PPFIA2: variants seen among roughly 807,000 people sequenced by gnomAD.
PPFIA2 encodes the protein liprin-alpha-2.
PPFIA2 carries 46 observed loss-of-function variants against 175.5 expected under a neutral mutation model. That is an observed-to-expected ratio of 0.26 (90% confidence interval 0.21 to 0.34). The LOEUF (loss-of-function observed/expected upper bound fraction) is 0.34. Ranked by LOEUF, PPFIA2 falls within the 10% of genes least tolerant of loss-of-function variation. The pLI, the probability that PPFIA2 is intolerant of heterozygous loss-of-function variation, is 1.00. For synonymous variants in PPFIA2, 568 were observed against 511.4 expected (o/e 1.11, Z -1.49); for missense variants, 1,179 against 1,506.1 (o/e 0.78, Z 3.60).
rs1414476806 is a variant in PPFIA2 at position 81,759,348 on chromosome 12, C to A, written c.-179G>T. 2.6e-5 allele frequency: 4 copies of A among 152,272 alleles called. No individual in the cohort carries two copies. Among genetic ancestry groups the A allele is most frequent in the Non-Finnish European group, 5.9e-5 (4 of 68,236 alleles). The allele number at this position is 152,272 out of a possible 1,614,324, so 9.4% of individuals were successfully genotyped here. On this transcript the variant is annotated 5_prime_UTR_variant, in exon 1 of 33. Transcript: ENST00000549396. Reference sequence around the variant, plus strand: ...CTTGCCTCGTGCGGTGGCTGCTACTCCTCCTCCTCCGTCTCCTCCCCTCCT... The same window carrying A: ...CTTGCCTCGTGCGGTGGCTGCTACTACTCCTCCTCCGTCTCCTCCCCTCCT...
chr12:81,343,808 T>C (rs969273932), intron 19 of PPFIA2, among the ~76,000 whole-genome samples: 1 of 152,130 alleles, frequency 6.6e-6, no homozygotes, highest in South Asian at 2.1e-4. Context: ...GTTTCGAACA[T>C]ATTTTTTTAT....
In PPFIA2 at chr12:81,278,146, A is replaced by G. The variant is rs184506576; in HGVS notation, c.3213-732T>C. On this transcript the variant is annotated intron_variant, in intron 27 of 32. Coordinates refer to ENST00000549396, the MANE Select transcript of PPFIA2 (RefSeq NM_003625.5). ...GAGGAATACAATTATACATGGAGAAAAGGGCATATTAAGGAAAGCCTTAAA... is the reference window on the plus strand; with the variant it reads ...GAGGAATACAATTATACATGGAGAAGAGGGCATATTAAGGAAAGCCTTAAA... Among the ~76,000 whole-genome samples the G allele has an allele frequency of 2.9e-3, 444 of 152,310 alleles. 3 individuals carry two copies. Among genetic ancestry groups the G allele is most frequent in the African/African-American group, 0.01 (436 of 41,558 alleles).
intron 21 of PPFIA2, among the ~76,000 whole-genome samples, chr12:81,333,624 T>A (rs1041603806): frequency 7.3e-5 from 11 of 149,978 alleles, no homozygotes; most frequent in African/African-American, 2.4e-4. Context: ...ATGAATTTTT[T>A]ATTTTTTTTC....
At chr12:81,591,345 T>C (rs554490414) in intron 4 of PPFIA2, among the ~76,000 whole-genome samples, 2 of 152,234 alleles carry the variant, frequency 1.3e-5, no homozygotes, top group African/African-American at 4.8e-5. Context: ...GTTTTGAAAA[T>C]GTGCAGCCTG....
intron 4 of PPFIA2, among the ~76,000 whole-genome samples, chr12:81,613,673 A>G (rs1373038886): frequency 6.6e-6 from 1 of 152,152 alleles, no homozygotes; most frequent in Non-Finnish European, 1.5e-5. Context: ...TTAAGAGATA[A>G]TAAGTTTCCT....
intron 3 of PPFIA2, among the ~76,000 whole-genome samples, chr12:81,738,350 A>G (rs1183122384): frequency 1.3e-5 from 2 of 151,974 alleles, no homozygotes. Flanking sequence ...GTACAGTAAA[A>G]GAAATATTCA....
At chr12:81,635,752 G>A (rs1457202111) in intron 4 of PPFIA2, among the ~76,000 whole-genome samples, 3 of 152,156 alleles carry the variant, frequency 2.0e-5, no homozygotes, top group Non-Finnish European at 4.4e-5. Context: ...CCAAGTGGAA[G>A]CTAGATTGCC....
intron 25 of PPFIA2, among the ~76,000 whole-genome samples, chr12:81,283,727 CAA>C (rs761136178): frequency 2.0e-5 from 3 of 151,910 alleles, no homozygotes; most frequent in South Asian, 2.1e-4. Flanking sequence ...TTAAAAGTGA[CAA>C]AGAGTCCCCA....
In PPFIA2 at chr12:81,497,404, A is replaced by G. The variant is rs372535389; in HGVS notation, c.304-39538T>C. ...CTATTAATTGTCTCTTCATTAGGGC[A>G]AAGTTTTCTTATACACTTTTGGTAT... is the stretch of plus-strand genomic sequence containing the variant. On this transcript the variant is annotated intron_variant, in intron 4 of 32. Coordinates refer to ENST00000549396, the MANE Select transcript of PPFIA2 (RefSeq NM_003625.5). 4.6e-5 allele frequency among the ~76,000 whole-genome samples: 7 copies of G among 152,176 alleles called. 1 individual carries two copies. The highest frequency in any genetic ancestry group is 1.7e-4 in the African/African-American group (7 of 41,528).
chr12:81,345,920 G>C (rs148975796), intron 18 of PPFIA2, among the ~76,000 whole-genome samples: 7 of 152,188 alleles, frequency 4.6e-5, no homozygotes, highest in African/African-American at 1.7e-4. Flanking sequence ...TATCCAAGTG[G>C]AATCAGTTCT....
intron 14 of PPFIA2, among the ~76,000 whole-genome samples, chr12:81,366,236 T>A (rs2033386619): frequency 6.6e-6 from 1 of 151,634 alleles, no homozygotes; most frequent in African/African-American, 2.4e-5. Context: ...ACAATAACTT[T>A]AAAGGCTAAT....
chr12:81,271,781 C>A (rs1040098260), intron 28 of PPFIA2, among the ~76,000 whole-genome samples: 3 of 152,026 alleles, frequency 2.0e-5, no homozygotes, highest in Non-Finnish European at 2.9e-5. Context: ...TTAAGTCCTG[C>A]AGATATTATT....
At chr12:81,585,051 T>A (rs1397140833) in intron 4 of PPFIA2, among the ~76,000 whole-genome samples, 5 of 118,406 alleles carry the variant, frequency 4.2e-5, no homozygotes, top group East Asian at 4.5e-4. Flanking sequence ...TATAATATAT[T>A]ATATAATTAT....
intron 4 of PPFIA2, among the ~76,000 whole-genome samples, chr12:81,661,605 C>A: frequency 6.6e-6 from 1 of 152,130 alleles, no homozygotes; most frequent in East Asian, 1.9e-4. Context: ...TTATGGGAGA[C>A]TTTAACACCC....
chr12:81,707,703 C>T (rs1375235996), intron 3 of PPFIA2, among the ~76,000 whole-genome samples: 4 of 151,032 alleles, frequency 2.6e-5, no homozygotes, highest in African/African-American at 9.7e-5. Flanking sequence ...AATCATGCTG[C>T]TATAAAGACA....
chr12:81,481,980 G>T (rs1380085696), intron 4 of PPFIA2, among the ~76,000 whole-genome samples: 19 of 152,106 alleles, frequency 1.2e-4, no homozygotes, highest in Admixed American at 1.2e-3. Context: ...GAAAATTTTT[G>T]CAATCTATCC....
intron 8 of PPFIA2, among the ~76,000 whole-genome samples, chr12:81,387,006 T>C (rs2039122046): frequency 6.6e-6 from 1 of 152,040 alleles, no homozygotes; most frequent in African/African-American, 2.4e-5. Flanking sequence ...CTCAAATATC[T>C]AAAACTGACC....
intron 4 of PPFIA2, among the ~76,000 whole-genome samples, chr12:81,649,592 G>A (rs968865152): frequency 6.6e-6 from 1 of 152,076 alleles, no homozygotes; most frequent in Non-Finnish European, 1.5e-5. Context: ...ATATATATTT[G>A]AATATTTAGA....
chr12:81,296,032 G>C (rs575299234), intron 23 of PPFIA2, among the ~76,000 whole-genome samples: 10 of 146,968 alleles, frequency 6.8e-5, no homozygotes, highest in Non-Finnish European at 1.2e-4. Flanking sequence ...GAGGCCAGGC[G>C]CGGTGGCTCA....
Sources: allele counts gnomAD v4.1 joint callset (sites outside exome capture counted in the v4.1 genomes callset), GRCh38; gene constraint gnomAD v4.1.1; transcripts MANE v1.5; gene names NCBI Gene and HGNC (gene_info 2026-07-23, HGNC 2026-07-21).